POLE: variants seen among roughly 807,000 people sequenced by gnomAD.
POLE encodes the protein DNA polymerase epsilon, catalytic subunit.
POLE carries 188 observed loss-of-function variants against 279.2 expected under a neutral mutation model. That is an observed-to-expected ratio of 0.67 (90% confidence interval 0.60 to 0.76). The LOEUF (loss-of-function observed/expected upper bound fraction) is 0.76, where lower values mean the gene tolerates loss of function less well. POLE is among the 30% of genes least tolerant of loss of function. POLE has a pLI of 0.00. For synonymous variants in POLE, 1,214 were observed against 1,172.5 expected, an observed-to-expected ratio of 1.04 and a Z score of -0.72; for missense variants, 2,703 against 3,016.7, an observed-to-expected ratio of 0.90 and a Z score of 2.44.
rs5744953 is a variant in POLE at position 132,642,041 on chromosome 12, C to T, written c.5173+136G>A. On this transcript the variant is annotated intron_variant, in intron 38 of 48. Transcript: ENST00000320574. ...CCCACCTGGACCTTGACCCCAGGAC[C>T]GTCTCCTGCAGCCTCAGCTCTGACC... The T allele has an allele frequency of 5.5e-3, 5,198 of 952,390 alleles. 15 individuals carry two copies. The highest frequency in any genetic ancestry group is 7.3e-3 in the Non-Finnish European group (4,543 of 626,584). 59.0% of individuals were successfully genotyped at this position (952,390 alleles called of 1,614,324 possible). A position where few individuals can be genotyped will look rare whatever the true frequency, so the allele number is the denominator to read the frequency against.
chr12:132,656,285 G>T lies in POLE; in HGVS notation c.3582+851C>A, dbSNP rs537866073. ...AATAGAGCAAGACTCCGTCTTGGGGGGCAGGGGAAAGAATACATATATAAC... is the reference window on the plus strand; with the variant it reads ...AATAGAGCAAGACTCCGTCTTGGGGTGCAGGGGAAAGAATACATATATAAC... On this transcript the variant is annotated intron_variant, in intron 29 of 48. Coordinates refer to ENST00000320574, the MANE Select transcript of POLE (RefSeq NM_006231.4). Among the ~76,000 whole-genome samples the T allele has an allele frequency of 1.9e-3, 295 of 152,228 alleles. 2 individuals carry two copies. Among genetic ancestry groups the T allele is most frequent in the African/African-American group, 7.0e-3 (289 of 41,548 alleles).
chr12:132,680,177 C>T lies in POLE; in HGVS notation c.330+1G>A. On this transcript the variant is annotated splice_donor_variant, in intron 4 of 48. Coordinates refer to ENST00000320574, the MANE Select transcript of POLE (RefSeq NM_006231.4). LOFTEE classifies it high-confidence loss of function. ...GACCTGAGTCTATGAAACACACTCA[C>T]CTTTCTGGTCGCAATGTAGAAATAC... is the stretch of plus-strand genomic sequence containing the variant. 1 of 1,614,116 alleles carries T rather than the reference C, an allele frequency of 6.2e-7. No homozygotes were observed. The highest frequency in any genetic ancestry group is 8.5e-7 in the Non-Finnish European group (1 of 1,179,926).
At chr12:132,678,177 C>CA (rs1393740769) in intron 6 of POLE, among the ~76,000 whole-genome samples, 21 of 149,974 alleles carry the variant, frequency 1.4e-4, no homozygotes, top group Admixed American at 1.4e-3. Flanking sequence ...GACTCCATCT[C>CA]AAAAAAATAA....
intron 29 of POLE, among the ~76,000 whole-genome samples, chr12:132,655,534 G>A (rs1440709111): frequency 6.6e-6 from 1 of 152,138 alleles, no homozygotes. Context: ...TATTTTTGCT[G>A]ATTTTTGGTC....
At position 132,624,370 on chromosome 12, in the gene POLE, C is replaced by T. The variant is rs2041786666; in HGVS notation, c.*327G>A. 2 of 419,564 alleles carry T rather than the reference C, an allele frequency of 4.8e-6. No individual in the cohort carries two copies. The highest frequency in any genetic ancestry group is 8.8e-6 in the Non-Finnish European group (2 of 227,886). The allele number at this position is 419,564 out of a possible 1,614,324, so 26.0% of individuals were successfully genotyped here. ...GGGGCACCTAGAGGACGCTCCCACC[C>T]CACCAGGTGTGGTGCAGGAAGCAAC... On this transcript the variant is annotated 3_prime_UTR_variant, in exon 49 of 49. Transcript: ENST00000320574.
intron 23 of POLE, among the ~76,000 whole-genome samples, chr12:132,662,613 G>A (rs546910738): frequency 7.4e-4 from 112 of 152,304 alleles, no homozygotes; most frequent in Non-Finnish European, 1.8e-4. Context: ...AGCACAGCAA[G>A]CACCCCATCT....
chr12:132,638,187 G>C (rs202121406), intron 40 of POLE, 48 bp from the exon 41 acceptor site: 2 of 1,573,588 alleles, frequency 1.3e-6, no homozygotes, highest in African/African-American at 1.4e-5. Context: ...CAGTCATGGA[G>C]AGCCAGAGGG....
At chr12:132,641,201 G>A (rs2042133494) in intron 39 of POLE, 1 of 390,254 alleles carries the variant, frequency 2.6e-6, no homozygotes. Context: ...ACCGCTGGTG[G>A]GTAATGCGAG....
chr12:132,687,319 G>T lies in POLE; in HGVS notation c.-4C>A. Reference sequence around the variant, plus strand: ...GCCCGCCGCTCCTCAGAGACATGGAGCCGTTGGCTACCACCTCTGCTTCAG... The same window carrying T: ...GCCCGCCGCTCCTCAGAGACATGGATCCGTTGGCTACCACCTCTGCTTCAG... On this transcript the variant is annotated 5_prime_UTR_variant, in exon 1 of 49. Transcript: ENST00000320574. 1 of 1,500,262 alleles carries T rather than the reference G, an allele frequency of 6.7e-7. No individual in the cohort carries two copies. The highest frequency in any genetic ancestry group is 8.9e-7 in the Non-Finnish European group (1 of 1,124,072). 92.9% of individuals were successfully genotyped at this position (1,500,262 alleles called of 1,614,324 possible).
chr12:132,685,905 A>T (rs576074815), intron 1 of POLE, among the ~76,000 whole-genome samples: 1 of 150,238 alleles, frequency 6.7e-6, no homozygotes, highest in East Asian at 1.9e-4. Context: ...ACAGAGTTTC[A>T]TTCTTTGTTG....
chr12:132,673,074 T>C lies in POLE; in HGVS notation c.1473+90A>G, dbSNP rs559780768. 2.3e-5 allele frequency: 21 copies of C among 923,414 alleles called. No homozygotes were observed. The East Asian group carries it at 4.1e-4, about 18-fold the overall frequency. The allele number at this position is 923,414 out of a possible 1,614,324, so 57.2% of individuals were successfully genotyped here. On this transcript the variant is annotated intron_variant, in intron 14 of 48. Coordinates refer to ENST00000320574, the MANE Select transcript of POLE (RefSeq NM_006231.4). ...CTGCCGCCTCTGGTGCCAGCACTCC[T>C]GGGACATCCACCTCCATTCAGCTCC...
intron 16 of POLE, among the ~76,000 whole-genome samples, chr12:132,669,620 G>C (rs879437623): frequency 3.9e-5 from 6 of 152,192 alleles, no homozygotes; most frequent in Non-Finnish European, 8.8e-5. Context: ...GTTTCTACTT[G>C]AATTACAGAT....
intron 20 of POLE, 132 bp from the exon 21 acceptor site, chr12:132,665,582 G>A: frequency 1.0e-6 from 1 of 977,462 alleles, no homozygotes; most frequent in Non-Finnish European, 1.5e-6. Context: ...GTACAATGAA[G>A]AGTGTACATT....
In POLE at chr12:132,661,953, A is replaced by G. The variant is rs1241294604; in HGVS notation, c.2707-269T>C. On this transcript the variant is annotated intron_variant, in intron 23 of 48. Transcript: ENST00000320574. The surrounding 1 kb of genome is among the most constrained non-coding windows in gnomAD (Gnocchi z 4.1). Reference sequence around the variant, plus strand: ...GACATTTTCGACAAAGCAAAATTATAGTACAAAAAACACATTGTGGGTTGC... The same window carrying G: ...GACATTTTCGACAAAGCAAAATTATGGTACAAAAAACACATTGTGGGTTGC... 6.6e-6 allele frequency among the ~76,000 whole-genome samples: 1 copy of G among 152,238 alleles called. No homozygotes were observed. The highest frequency in any genetic ancestry group is 1.5e-5 in the Non-Finnish European group (1 of 68,050).
chr12:132,665,879 G>A (rs757769881), intron 20 of POLE, among the ~76,000 whole-genome samples: 1 of 152,212 alleles, frequency 6.6e-6, no homozygotes, highest in Non-Finnish European at 1.5e-5. Flanking sequence ...TAATTACTGA[G>A]TGCCTAGTAT....
chr12:132,649,976 C>G (rs1593751983), intron 29 of POLE, 87 bp from the exon 30 acceptor site: 3 of 1,177,912 alleles, frequency 2.5e-6, no homozygotes, highest in Non-Finnish European at 3.6e-6. Context: ...TTTGGGAGGC[C>G]AAGACAGGAG....
At chr12:132,679,685 A>C (rs1428218183) in intron 5 of POLE, 34 bp from the exon 6 acceptor site, 1 of 1,593,942 alleles carries the variant, frequency 6.3e-7, no homozygotes, top group Non-Finnish European at 8.6e-7. Flanking sequence ...CATTGGTTCA[A>C]GAGAAATAGG....
At position 132,672,609 on chromosome 12, in the gene POLE, C is replaced by T. The variant is rs751892038; in HGVS notation, c.1686+18G>A. 10 of 1,611,712 alleles carry T rather than the reference C, an allele frequency of 6.2e-6. No homozygotes were observed. Among genetic ancestry groups the T allele is most frequent in the Non-Finnish European group, 8.5e-6 (10 of 1,178,174 alleles). On this transcript the variant is annotated intron_variant, in intron 15 of 48. Coordinates refer to ENST00000320574, the MANE Select transcript of POLE (RefSeq NM_006231.4). ...GCACAAGAGTGGGAAGAATCTGAAT[C>T]CCAGGGAAGAAGCACACCATCCTAA...
chr12:132,682,301 A>AT (rs1555230609), intron 1 of POLE, among the ~76,000 whole-genome samples: 7,755 of 138,800 alleles, frequency 0.056, 332 homozygotes, highest in Admixed American at 0.13. Context: ...CAAAAAAAAA[A>AT]AAATAAATAA....
Sources: allele counts gnomAD v4.1 joint callset (sites outside exome capture counted in the v4.1 genomes callset), GRCh38; gene constraint gnomAD v4.1.1; non-coding constraint Gnocchi (gnomAD v3.1); transcripts MANE v1.5; gene names NCBI Gene and HGNC (gene_info 2026-07-23, HGNC 2026-07-21).